Variants in SPAG16 observed in about 807,000 individuals in gnomAD.
SPAG16 encodes the protein sperm-associated antigen 16 protein.
In SPAG16, 86 loss-of-function variants were observed where a neutral mutation model predicts 80.4. The ratio of observed to expected loss-of-function variants is 1.07; its 90% confidence interval spans 0.90 to 1.28. The LOEUF is 1.28. Among genes scored for constraint, SPAG16 ranks in the 50% most tolerant of loss-of-function variants. SPAG16 has a pLI of 0.00. For missense variants in SPAG16, 870 were observed against 765.3 expected, an observed-to-expected ratio of 1.14 and a Z score of -1.61; for synonymous variants, 294 against 265.9, an observed-to-expected ratio of 1.11 and a Z score of -1.03.
intron 10 of SPAG16, among the ~76,000 whole-genome samples, chr2:213,794,699 T>C (rs1248699515): frequency 6.6e-6 from 1 of 152,150 alleles, no homozygotes; most frequent in Admixed American, 6.5e-5. Context: ...TGTTATTTAG[T>C]AACTTTTACA....
chr2:214,094,080 C>G (rs1337918699), intron 13 of SPAG16, among the ~76,000 whole-genome samples: 2 of 152,054 alleles, frequency 1.3e-5, no homozygotes, highest in African/African-American at 4.8e-5. Context: ...TTGGTTCACA[C>G]TGATTTGTGA....
At chr2:213,344,394 TG>T (rs2064854847) in intron 6 of SPAG16, among the ~76,000 whole-genome samples, 1 of 151,998 alleles carries the variant, frequency 6.6e-6, no homozygotes, top group Non-Finnish European at 1.5e-5. Context: ...CTTTTTTTTT[TG>T]TATTTTAAGT....
rs952405771 is a variant in SPAG16 at position 213,480,785 on chromosome 2, T to G, written c.943-9178T>G. On this transcript the variant is annotated intron_variant, in intron 9 of 15. Transcript: ENST00000331683. ...CACTTTTATGTGATTATCATAGTGT[T>G]AAACAGAAGTTATAATTTACTGTCC... Among the ~76,000 whole-genome samples the G allele has an allele frequency of 2.0e-5, 3 of 152,222 alleles. No homozygotes were observed. The East Asian group carries it at 5.8e-4, about 29-fold the overall frequency.
chr2:214,282,371 C>T (rs1188509795), intron 15 of SPAG16, among the ~76,000 whole-genome samples: 1 of 152,212 alleles, frequency 6.6e-6, no homozygotes, highest in East Asian at 1.9e-4. Flanking sequence ...TTTAATAACA[C>T]TGATAAACAC....
chr2:214,313,199 A>G (rs1335576145), intron 15 of SPAG16, among the ~76,000 whole-genome samples: 1 of 152,154 alleles, frequency 6.6e-6, no homozygotes, highest in East Asian at 1.9e-4. Flanking sequence ...CCTAAGTGTC[A>G]TCTTTAAGAA....
At chr2:213,976,444 C>G (rs2045411927) in intron 12 of SPAG16, among the ~76,000 whole-genome samples, 1 of 151,784 alleles carries the variant, frequency 6.6e-6, no homozygotes, top group Non-Finnish European at 1.5e-5. Flanking sequence ...CAAATATATC[C>G]TATTGGACCT....
intron 10 of SPAG16, 48 bp from the exon 11 acceptor site, chr2:213,862,437 C>T: frequency 6.3e-7 from 1 of 1,591,878 alleles, no homozygotes; most frequent in Non-Finnish European, 8.6e-7. Flanking sequence ...ATTCTGAAAA[C>T]ATTTGCTATT....
chr2:213,324,567 T>A (rs2063764352), intron 5 of SPAG16, among the ~76,000 whole-genome samples: 1 of 152,156 alleles, frequency 6.6e-6, no homozygotes, highest in African/African-American at 2.4e-5. Context: ...AATGTATTAT[T>A]TTTGCCTGTA....
At chr2:214,082,668 T>A (rs2051460012) in intron 13 of SPAG16, among the ~76,000 whole-genome samples, 1 of 152,218 alleles carries the variant, frequency 6.6e-6, no homozygotes. Context: ...TTTAAAAAAC[T>A]AGTTCTCCGA....
chr2:213,891,907 C>A (rs142220398), intron 11 of SPAG16, among the ~76,000 whole-genome samples: 2 of 152,250 alleles, frequency 1.3e-5, no homozygotes, highest in African/African-American at 4.8e-5. Context: ...TCTTCCCCAT[C>A]ATATTGGGTA....
intron 15 of SPAG16, among the ~76,000 whole-genome samples, chr2:214,248,624 G>A (rs1409109455): frequency 3.9e-5 from 6 of 151,938 alleles, no homozygotes; most frequent in Non-Finnish European, 7.4e-5. Flanking sequence ...GCCGTGCTAG[G>A]CACTATTCTA....
At chr2:213,617,940 A>G (rs560795499) in intron 10 of SPAG16, among the ~76,000 whole-genome samples, 25 of 152,266 alleles carry the variant, frequency 1.6e-4, no homozygotes, top group African/African-American at 5.8e-4. Context: ...TGTGTCTACA[A>G]AACTTTCCTT....
chr2:213,601,825 T>C (rs1027676296), intron 10 of SPAG16, among the ~76,000 whole-genome samples: 3 of 152,232 alleles, frequency 2.0e-5, no homozygotes, highest in African/African-American at 4.8e-5. Flanking sequence ...CAATAGGCTA[T>C]ACCATATACC....
At chr2:213,487,677 C>T (rs1037998823) in intron 9 of SPAG16, among the ~76,000 whole-genome samples, 2 of 152,004 alleles carry the variant, frequency 1.3e-5, no homozygotes, top group African/African-American at 4.8e-5. Context: ...GCAGCAGGAC[C>T]TAGTTGATTA....
At chr2:213,788,509 G>A (rs1451662474) in intron 10 of SPAG16, among the ~76,000 whole-genome samples, 1 of 151,722 alleles carries the variant, frequency 6.6e-6, no homozygotes, top group African/African-American at 2.4e-5. Context: ...AAGATTCTTT[G>A]TTATTTATTT....
intron 10 of SPAG16, among the ~76,000 whole-genome samples, chr2:213,666,130 G>A (rs1395552768): frequency 6.6e-6 from 1 of 152,136 alleles, no homozygotes; most frequent in Non-Finnish European, 1.5e-5. Flanking sequence ...AGAATAGATT[G>A]TGTTTCCTTT....
chr2:213,394,497 GAT>G (rs1414037731), intron 9 of SPAG16, among the ~76,000 whole-genome samples: 1 of 152,104 alleles, frequency 6.6e-6, no homozygotes, highest in African/African-American at 2.4e-5. Flanking sequence ...ATAGTATCAA[GAT>G]TAGGATGTTG....
chr2:213,703,082 C>T (rs2065564698), intron 10 of SPAG16, among the ~76,000 whole-genome samples: 1 of 152,192 alleles, frequency 6.6e-6, no homozygotes, highest in African/African-American at 2.4e-5. Context: ...ATGGTCAGTA[C>T]ACACTTTGCC....
chr2:213,765,126 G>A (rs2068863187), intron 10 of SPAG16, among the ~76,000 whole-genome samples: 1 of 152,218 alleles, frequency 6.6e-6, no homozygotes, highest in African/African-American at 2.4e-5. Context: ...CCAGCACTTT[G>A]GGAAGTGCCC....
Sources: gnomAD v4.1 joint callset for allele counts (sites outside exome capture counted in the v4.1 genomes callset) on GRCh38, gnomAD v4.1.1 for gene constraint, MANE v1.5 for transcripts, NCBI Gene and HGNC (gene_info 2026-07-23, HGNC 2026-07-21) for gene names.